Variants in ROS1 observed in about 807,000 individuals in gnomAD.
ROS1 encodes proto-oncogene tyrosine-protein kinase ROS.
ROS1 carries 263 observed loss-of-function variants against 273.5 expected under a neutral mutation model. That is an observed-to-expected ratio of 0.96 (90% CI 0.87 to 1.06). The LOEUF (loss-of-function observed/expected upper bound fraction) is 1.06. Among genes scored for constraint, ROS1 ranks in the 50% least tolerant of loss-of-function variants. ROS1 has a pLI of 0.00. For missense variants in ROS1, 2,833 were observed against 2,751.1 expected (o/e 1.03, Z -0.67); for synonymous variants, 1,008 against 954.1 (o/e 1.06, Z -1.04).
rs564408044 is a variant in ROS1 at position 117,330,050 on chromosome 6, A to G, written c.5231-604T>C. ...GCAGCAGCCAGCACTGGGACTCCCA[A>G]CTGCCTAACACGCTAATCTCCCTGG... On this transcript the variant is annotated intron_variant, in intron 32 of 43. Transcript: ENST00000368507. Among the ~76,000 whole-genome samples the G allele has an allele frequency of 2.6e-5, 4 of 152,258 alleles. No individual in the cohort carries two copies. In the South Asian group the frequency reaches 8.3e-4, roughly 32 times the overall value.
chr6:117,357,033 A>G, intron 25 of ROS1, 118 bp from the exon 26 acceptor site: 1 of 849,664 alleles, frequency 1.2e-6, no homozygotes, highest in Non-Finnish European at 1.8e-6. Context: ...GAGCCTTTGG[A>G]GAGAACATGG....
chr6:117,377,001 T>G (rs1781383628), intron 18 of ROS1, among the ~76,000 whole-genome samples: 3 of 152,188 alleles, frequency 2.0e-5, no homozygotes, highest in Non-Finnish European at 2.9e-5. Context: ...CAAGTTTTTC[T>G]CTGAATTTAC....
At position 117,337,205 on chromosome 6, in the gene ROS1, T is replaced by G. The variant is rs143435239; in HGVS notation, c.5197A>C (p.Ser1733Arg). ...VVVVYKTGEN[S>R]TSLPESFKTK... ...TTAAAGCTTTCTGGAAGTGAGGTGC[T>G]ATTTTCTCCCGTCTTATAAACCACC... The change falls in exon 32 of 44, where the codon AGC (serine) becomes CGC (arginine). Residue 1733 changes from serine to arginine, a missense_variant. Physicochemically the swap from Ser to Arg is moderately radical, Grantham distance 110. Transcript: ENST00000368507. 6.3e-5 allele frequency: 101 copies of G among 1,612,390 alleles called. No individual in the cohort carries two copies. Among genetic ancestry groups the G allele is most frequent in the Non-Finnish European group, 7.8e-5 (92 of 1,179,028 alleles).
chr6:117,395,693 G>T (rs1319523710), intron 9 of ROS1, among the ~76,000 whole-genome samples: 1 of 152,012 alleles, frequency 6.6e-6, no homozygotes, highest in African/African-American at 2.4e-5. Flanking sequence ...CAAAAAGAAA[G>T]GGTGCTTACA....
intron 6 of ROS1, 146 bp from the exon 7 acceptor site, chr6:117,403,423 A>C: frequency 1.3e-6 from 1 of 789,796 alleles, no homozygotes; most frequent in South Asian, 1.8e-5. Context: ...AGCCATTCAG[A>C]TATCAGCGTG....
intron 32 of ROS1, among the ~76,000 whole-genome samples, chr6:117,333,745 T>C (rs1754741263): frequency 6.6e-6 from 1 of 152,166 alleles, no homozygotes; most frequent in Non-Finnish European, 1.5e-5. Context: ...AATCACACGA[T>C]TATCTGAATA....
chr6:117,343,957 A>T, intron 28 of ROS1, 103 bp downstream of exon 28: 1 of 929,682 alleles, frequency 1.1e-6, no homozygotes, highest in Non-Finnish European at 1.6e-6. Context: ...GTTGCGTACT[A>T]GTCCATTTCA....
chr6:117,306,431 G>A (rs1775109263), intron 42 of ROS1, among the ~76,000 whole-genome samples: 1 of 152,120 alleles, frequency 6.6e-6, no homozygotes, highest in African/African-American at 2.4e-5. Flanking sequence ...GAAGTAGATT[G>A]CCCTTTGATC....
At chr6:117,301,177 G>A in intron 42 of ROS1, 40 bp from the exon 43 acceptor site, 1 of 1,501,040 alleles carries the variant, frequency 6.7e-7, no homozygotes. Flanking sequence ...AATAGCAATT[G>A]GATATAATTA....
intron 16 of ROS1, among the ~76,000 whole-genome samples, chr6:117,384,172 G>A (rs1328690076): frequency 1.3e-5 from 2 of 152,172 alleles, no homozygotes; most frequent in African/African-American, 4.8e-5. Flanking sequence ...ATTTGAGGGA[G>A]TGTTTTCTGA....
chr6:117,336,967 A>G (rs1562284910), intron 32 of ROS1, among the ~76,000 whole-genome samples: 1 of 152,146 alleles, frequency 6.6e-6, no homozygotes, highest in Non-Finnish European at 1.5e-5. Flanking sequence ...TGCCCAGTTC[A>G]GGATCCAGCC....
At chr6:117,393,856 G>A (rs984283018) in intron 11 of ROS1, among the ~76,000 whole-genome samples, 1 of 152,128 alleles carries the variant, frequency 6.6e-6, no homozygotes. Flanking sequence ...ATGACTGGCA[G>A]TCTTACCTAA....
intron 16 of ROS1, among the ~76,000 whole-genome samples, chr6:117,384,161 T>C (rs1772377589): frequency 6.6e-6 from 1 of 152,222 alleles, no homozygotes. Context: ...TAAACTAACC[T>C]ATTTGAGGGA....
At chr6:117,372,320 G>T (rs1780866740) in intron 18 of ROS1, among the ~76,000 whole-genome samples, 1 of 152,198 alleles carries the variant, frequency 6.6e-6, no homozygotes, top group African/African-American at 2.4e-5. Context: ...ACTGTTTGCT[G>T]ATAACATGAT....
At chr6:117,333,060 G>GT (rs1457866473) in intron 32 of ROS1, among the ~76,000 whole-genome samples, 28 of 151,108 alleles carry the variant, frequency 1.9e-4, no homozygotes, top group African/African-American at 5.1e-4. Context: ...TCCAGGAGCC[G>GT]TTTTTTTTAA....
chr6:117,403,311 A>C (rs556279281), intron 6 of ROS1, 34 bp from the exon 7 acceptor site: 1 of 1,601,458 alleles, frequency 6.2e-7, no homozygotes, highest in South Asian at 1.1e-5. Context: ...TCAGCATTAT[A>C]GAATCAGCAC....
At chr6:117,351,116 C>T (rs908148994) in intron 27 of ROS1, among the ~76,000 whole-genome samples, 7 of 152,018 alleles carry the variant, frequency 4.6e-5, no homozygotes, top group East Asian at 1.9e-4. Flanking sequence ...TTTAGTAATG[C>T]GGTGGTAAGG....
At chr6:117,361,441 G>A (rs1428903498) in intron 22 of ROS1, among the ~76,000 whole-genome samples, 3 of 148,654 alleles carry the variant, frequency 2.0e-5, no homozygotes, top group Non-Finnish European at 3.0e-5. Context: ...ATATATAGTA[G>A]TGTTTACTTT....
At position 117,389,529 on chromosome 6, in the gene ROS1, T is replaced by G. The variant is rs749314336; in HGVS notation, c.1607A>C (p.Glu536Ala). The G allele has an allele frequency of 6.2e-7, 1 of 1,614,172 alleles. No individual in the cohort carries two copies. Among genetic ancestry groups the G allele is most frequent in the East Asian group, 2.2e-5 (1 of 44,888 alleles). The change falls in exon 13 of 44, where the codon GAA (glutamate) becomes GCA (alanine). Residue 536 changes from glutamate (E) to alanine (A), a missense_variant. Glu to Ala is a moderately radical substitution (Grantham distance 107). Transcript: ENST00000368507. ...ACTCAGGTCACATCCCACGATGAATTCATTAAAAGACAAAGCATCCTGTTG... is the reference window on the plus strand; with the variant it reads ...ACTCAGGTCACATCCCACGATGAATGCATTAAAAGACAAAGCATCCTGTTG... ...IFQQDALSFN[E>A]FIVGCDLSHI...
Sources: allele counts gnomAD v4.1 joint callset (sites outside exome capture counted in the v4.1 genomes callset), GRCh38; gene constraint gnomAD v4.1.1; transcripts MANE v1.5; gene names NCBI Gene and HGNC (gene_info 2026-07-23, HGNC 2026-07-21).